Variants in MYCBP2 observed in about 807,000 individuals in gnomAD.
MYCBP2 encodes MYC binding protein 2, also known as E3 ubiquitin-protein ligase MYCBP2.
Under a neutral mutation model 525.3 loss-of-function variants are expected in MYCBP2, and 120 were observed. That is an observed-to-expected ratio of 0.23 (90% CI 0.20 to 0.27). The LOEUF is 0.27. MYCBP2 is among the 10% of genes least tolerant of loss of function. The pLI, the probability that MYCBP2 is intolerant of heterozygous loss-of-function variation, is 1.00. For missense variants in MYCBP2, 4,149 were observed against 5,657.1 expected, an observed-to-expected ratio of 0.73 and a Z score of 8.55; for synonymous variants, 1,894 against 1,955.8, an observed-to-expected ratio of 0.97 and a Z score of 0.83.
chr13:77,317,708 G>A lies in MYCBP2; in HGVS notation c.302+8766C>T, dbSNP rs1423961599. ...AATCCCAGCACTTTGGGAGGCTGACGTGGCCGGATCACGAGGTCAGGAGTT... is the reference window on the plus strand; with the variant it reads ...AATCCCAGCACTTTGGGAGGCTGACATGGCCGGATCACGAGGTCAGGAGTT... On this transcript the variant is annotated intron_variant, in intron 1 of 82. Transcript: ENST00000544440. Among the ~76,000 whole-genome samples, 4 of 152,152 alleles carry A rather than the reference G, an allele frequency of 2.6e-5. No homozygotes were observed. The South Asian group carries it at 6.2e-4, about 24-fold the overall frequency.
intron 23 of MYCBP2, among the ~76,000 whole-genome samples, chr13:77,208,715 A>G (rs2063638215): frequency 6.6e-6 from 1 of 152,204 alleles, no homozygotes; most frequent in South Asian, 2.1e-4. Context: ...AGAGAAGGCT[A>G]GTGGAATTCG....
At chr13:77,307,526 T>C (rs2079596726) in intron 1 of MYCBP2, among the ~76,000 whole-genome samples, 1 of 145,548 alleles carries the variant, frequency 6.9e-6, no homozygotes, top group African/African-American at 2.6e-5. Context: ...CTCAGATGGC[T>C]GAGGTGGGAA....
At position 77,126,562 on chromosome 13, in the gene MYCBP2, A is replaced by C; in HGVS notation, c.7660-20T>G. On this transcript the variant is annotated intron_variant, in intron 52 of 82. Transcript: ENST00000544440. ...AGATTCCTGAAAATTTGAATAGGAA[A>C]GAAAAATAAACAAAATACAATCTAT... 1 of 1,580,354 alleles carries C rather than the reference A, an allele frequency of 6.3e-7. No individual in the cohort carries two copies. The highest frequency in any genetic ancestry group is 8.7e-7 in the Non-Finnish European group (1 of 1,154,706).
At position 77,089,690 on chromosome 13, in the gene MYCBP2, C is replaced by T. The variant is rs1464512821; in HGVS notation, c.10525+416G>A. Reference sequence around the variant, plus strand: ...AATCGATTAAGGGCTATTTATATCCCCAAAGTTTTATTATCTACTTAGAAT... The same window carrying T: ...AATCGATTAAGGGCTATTTATATCCTCAAAGTTTTATTATCTACTTAGAAT... On this transcript the variant is annotated intron_variant, in intron 60 of 82. Transcript: ENST00000544440. Among the ~76,000 whole-genome samples, 3 of 151,408 alleles carry T rather than the reference C, an allele frequency of 2.0e-5. No homozygotes were observed. In the East Asian group the frequency reaches 5.8e-4, roughly 29 times the overall value.
intron 26 of MYCBP2, among the ~76,000 whole-genome samples, chr13:77,202,765 A>G (rs1279871145): frequency 2.0e-5 from 3 of 152,252 alleles, no homozygotes; most frequent in Non-Finnish European, 2.9e-5. Flanking sequence ...AATGTAATCC[A>G]GCATATAAAC....
chr13:77,089,438 CAAT>C (rs1701679320), intron 60 of MYCBP2, among the ~76,000 whole-genome samples: 1 of 152,062 alleles, frequency 6.6e-6, no homozygotes, highest in Non-Finnish European at 1.5e-5. Context: ...GGACAATCTT[CAAT>C]AATGTTTTTC....
At chr13:77,100,842 T>TA (rs1228617343) in intron 55 of MYCBP2, among the ~76,000 whole-genome samples, 5 of 151,992 alleles carry the variant, frequency 3.3e-5, no homozygotes, top group African/African-American at 4.8e-5. Flanking sequence ...AAAAAAGGGT[T>TA]AAAAAAATCC....
At chr13:77,178,089 G>C in intron 34 of MYCBP2, 135 bp from the exon 35 acceptor site, 1 of 627,392 alleles carries the variant, frequency 1.6e-6, no homozygotes, top group Non-Finnish European at 2.8e-6. Context: ...ATGTTCTACT[G>C]AGAGATTAAC....
intron 37 of MYCBP2, among the ~76,000 whole-genome samples, chr13:77,172,800 T>C (rs765233456): frequency 1.3e-5 from 2 of 152,130 alleles, no homozygotes; most frequent in Non-Finnish European, 1.5e-5. Context: ...ATAACGAACA[T>C]CCTTAAAGAG....
rs764478939 is a variant in MYCBP2 at position 77,326,853 on chromosome 13, T to C, written c.-78A>G. 1.2e-4 allele frequency: 152 copies of C among 1,310,938 alleles called. No homozygotes were observed. Among genetic ancestry groups the C allele is most frequent in the Non-Finnish European group, 1.4e-4 (147 of 1,029,588 alleles). 81.2% of individuals were successfully genotyped at this position (1,310,938 alleles called of 1,614,324 possible). A position where few individuals can be genotyped will look rare whatever the true frequency, so the allele number is the denominator to read the frequency against. The stretch of plus-strand genomic sequence containing the variant: ...GACACGCGCGCGCACACACAGCCCT[T>C]TTCCAACGACGACGGCTCCGGCGGC... On this transcript the variant is annotated 5_prime_UTR_variant, in exon 1 of 83. Transcript: ENST00000544440. The surrounding 1 kb of genome is among the most constrained non-coding windows in gnomAD (Gnocchi z 4.2).
chr13:77,283,828 C>A (rs984269897), intron 3 of MYCBP2, among the ~76,000 whole-genome samples: 1 of 152,040 alleles, frequency 6.6e-6, no homozygotes. Context: ...GCCCAGGAGG[C>A]GGAAGTTAAC....
Position 77,273,661 on chromosome 13 carries a change from G to A in MYCBP2, c.756C>T (p.Leu252=), listed in dbSNP as rs773275265. ...QSEPPEVLES[L]FQLLLEITVR... ...CGGTGATTTCCAAAAGAAGCTGGAA[G>A]AGAGACTCTGTGGATAAAATAGAAT... The change falls in exon 5 of 83, where the codon CTC becomes CTT. Residue 252 remains leucine, a synonymous_variant. Coordinates refer to ENST00000544440, the MANE Select transcript of MYCBP2 (RefSeq NM_015057.5). 4 of 1,531,508 alleles carry A rather than the reference G, an allele frequency of 2.6e-6. No individual in the cohort carries two copies. The East Asian group carries it at 9.3e-5, about 36-fold the overall frequency. The allele number at this position is 1,531,508 out of a possible 1,614,324, so 94.9% of individuals were successfully genotyped here.
At chr13:77,309,061 C>T (rs2079819914) in intron 1 of MYCBP2, among the ~76,000 whole-genome samples, 3 of 152,186 alleles carry the variant, frequency 2.0e-5, no homozygotes, top group Admixed American at 2.0e-4. Flanking sequence ...AGAACATCTC[C>T]TACAGGTTAT....
chr13:77,111,693 C>A (rs1016927742), intron 55 of MYCBP2, among the ~76,000 whole-genome samples: 2 of 151,960 alleles, frequency 1.3e-5, no homozygotes, highest in South Asian at 2.1e-4. Flanking sequence ...TGCAATTAAC[C>A]TTAGCTTAAA....
intron 17 of MYCBP2, among the ~76,000 whole-genome samples, chr13:77,242,242 T>C (rs1349822886): frequency 6.6e-6 from 1 of 152,112 alleles, no homozygotes; most frequent in Non-Finnish European, 1.5e-5. Flanking sequence ...GTCTCCTGAG[T>C]AGCTGGGACT....
chr13:77,111,012 A>T (rs2048724879), intron 55 of MYCBP2, among the ~76,000 whole-genome samples: 1 of 152,172 alleles, frequency 6.6e-6, no homozygotes, highest in Admixed American at 6.6e-5. Context: ...TAAGGATGAG[A>T]AGTCTGATTA....
chr13:77,067,092 CTA>C (rs1407174401), intron 71 of MYCBP2, among the ~76,000 whole-genome samples: 1 of 152,086 alleles, frequency 6.6e-6, no homozygotes, highest in African/African-American at 2.4e-5. Flanking sequence ...ATAGTCAAAT[CTA>C]TAAATATCTT....
At chr13:77,130,877 G>A (rs1280226617) in intron 52 of MYCBP2, among the ~76,000 whole-genome samples, 1 of 152,120 alleles carries the variant, frequency 6.6e-6, no homozygotes, top group Middle Eastern at 3.2e-3. Context: ...TAAAGTTAGT[G>A]ATAAAGAAGC....
chr13:77,068,427 C>T (rs2040562732), intron 70 of MYCBP2, 138 bp downstream of exon 70: 4 of 934,718 alleles, frequency 4.3e-6, no homozygotes, highest in Middle Eastern at 7.2e-4. Context: ...GAGTAAAATA[C>T]AGGCCCCAAA....
Sources: gnomAD v4.1 joint callset for allele counts (sites outside exome capture counted in the v4.1 genomes callset) on GRCh38, gnomAD v4.1.1 for gene constraint, Gnocchi (gnomAD v3.1) non-coding constraint, MANE v1.5 for transcripts, NCBI Gene and HGNC (gene_info 2026-07-23, HGNC 2026-07-21) for gene names.